Variants in MAGI3 observed in about 807,000 individuals in gnomAD.
MAGI3 encodes the protein membrane-associated guanylate kinase, WW and PDZ domain-containing protein 3.
MAGI3 carries 43 observed loss-of-function variants against 121.8 expected under a neutral mutation model. That is an observed-to-expected ratio of 0.35 (90% CI 0.28 to 0.46). MAGI3 has a LOEUF of 0.46. Ranked by LOEUF, MAGI3 falls within the 20% of genes least tolerant of loss-of-function variation. The pLI, the probability that MAGI3 is intolerant of heterozygous loss-of-function variation, is 1.00. For missense variants in MAGI3, 1,547 were observed against 1,797.3 expected, an observed-to-expected ratio of 0.86 and a Z score of 2.52; for synonymous variants, 553 against 639.3, an observed-to-expected ratio of 0.86 and a Z score of 2.04.
chr1:113,530,312 C>T (rs1658644475), intron 1 of MAGI3, among the ~76,000 whole-genome samples: 1 of 147,516 alleles, frequency 6.8e-6, no homozygotes, highest in Non-Finnish European at 1.5e-5. Context: ...CTAAAACTTC[C>T]TACCAGAAAG....
In MAGI3 at chr1:113,390,899, G is replaced by A. The variant is rs1570901421; in HGVS notation, c.-135G>A. 4 of 519,250 alleles carry A rather than the reference G, an allele frequency of 7.7e-6. No homozygotes were observed. Among genetic ancestry groups the A allele is most frequent in the Non-Finnish European group, 1.1e-5 (4 of 358,380 alleles). 32.2% of individuals were successfully genotyped at this position (519,250 alleles called of 1,614,324 possible). ...CGGGCCCCCAGCGGGCTGTGGTCGC[G>A]GGGTGGGGGCCGGAGCGGCGAGGCC... On this transcript the variant is annotated 5_prime_UTR_variant, in exon 1 of 21. Coordinates refer to ENST00000307546, the MANE Select transcript of MAGI3 (RefSeq NM_001142782.2).
Position 113,642,367 on chromosome 1 carries a change from A to T in MAGI3, c.1817A>T (p.Asp606Val). ...PTGQKVKMIL[D>V]SQWCQGLQKG... is the part of the protein sequence containing the mutation. ...GGACAGAAGGTGAAAATGATACTGGATAGTCAGTGGTGTCAAGGCCTTCAG... is the reference window on the plus strand; with the variant it reads ...GGACAGAAGGTGAAAATGATACTGGTTAGTCAGTGGTGTCAAGGCCTTCAG... The change falls in exon 10 of 21, where the codon GAT becomes GTT. Residue 606 changes from aspartate to valine, a missense_variant. Coordinates refer to ENST00000307546, the MANE Select transcript of MAGI3 (RefSeq NM_001142782.2). 1 of 1,614,168 alleles carries T rather than the reference A, an allele frequency of 6.2e-7. No individual in the cohort carries two copies. Among genetic ancestry groups the T allele is most frequent in the African/African-American group, 1.3e-5 (1 of 75,026 alleles).
chr1:113,537,468 C>T (rs181043034), intron 1 of MAGI3, among the ~76,000 whole-genome samples: 117 of 152,286 alleles, frequency 7.7e-4, no homozygotes, highest in African/African-American at 2.6e-3. Context: ...CAGTTAAGAA[C>T]CTTGTACAGA....
intron 1 of MAGI3, among the ~76,000 whole-genome samples, chr1:113,521,796 T>C (rs1658214475): frequency 6.6e-6 from 1 of 152,246 alleles, no homozygotes; most frequent in Non-Finnish European, 1.5e-5. Context: ...TCAATTATCA[T>C]AATTTCCTGT....
intron 2 of MAGI3, among the ~76,000 whole-genome samples, chr1:113,578,030 G>T (rs1325481120): frequency 6.6e-6 from 1 of 152,152 alleles, no homozygotes; most frequent in African/African-American, 2.4e-5. Flanking sequence ...GATTTCATGA[G>T]TTGGGCTCAG....
intron 2 of MAGI3, among the ~76,000 whole-genome samples, chr1:113,575,244 G>A (rs954999398): frequency 3.3e-5 from 5 of 152,166 alleles, no homozygotes; most frequent in Non-Finnish European, 7.4e-5. Flanking sequence ...GAGAGGAGTT[G>A]TGATTATTTG....
At chr1:113,666,842 A>G (rs1654067321) in intron 16 of MAGI3, among the ~76,000 whole-genome samples, 1 of 152,226 alleles carries the variant, frequency 6.6e-6, no homozygotes, top group African/African-American at 2.4e-5. Context: ...TCCATGGGCT[A>G]CAGAATGGAT....
At chr1:113,479,413 T>C (rs77450826) in intron 1 of MAGI3, among the ~76,000 whole-genome samples, 1 of 152,202 alleles carries the variant, frequency 6.6e-6, no homozygotes, top group African/African-American at 2.4e-5. Context: ...TCCTGTACTT[T>C]AAATATGTCA....
intron 6 of MAGI3, among the ~76,000 whole-genome samples, chr1:113,608,041 A>G (rs1427750347): frequency 2.0e-5 from 3 of 152,004 alleles, no homozygotes; most frequent in Non-Finnish European, 4.4e-5. Flanking sequence ...CCCTTCTGTC[A>G]TTTTCTTGCA....
intron 1 of MAGI3, among the ~76,000 whole-genome samples, chr1:113,513,305 G>T (rs1323496969): frequency 6.6e-6 from 1 of 152,076 alleles, no homozygotes; most frequent in Admixed American, 6.5e-5. Flanking sequence ...TCAAAAAAAA[G>T]ACCACGTCGC....
At chr1:113,579,029 A>C (rs1381164915) in intron 2 of MAGI3, among the ~76,000 whole-genome samples, 1 of 152,210 alleles carries the variant, frequency 6.6e-6, no homozygotes, top group African/African-American at 2.4e-5. Flanking sequence ...AGCAATTAAG[A>C]GTTTCCCATG....
intron 2 of MAGI3, among the ~76,000 whole-genome samples, chr1:113,553,946 TTGCAG>T (rs773439501): frequency 5.3e-5 from 8 of 152,104 alleles, no homozygotes; most frequent in Non-Finnish European, 1.0e-4. Context: ...GAAGTGGAGG[TTGCAG>T]TGAGCCGAGA....
At chr1:113,416,394 ATTAT>A (rs1166875574) in intron 1 of MAGI3, among the ~76,000 whole-genome samples, 1,123 of 99,638 alleles carry the variant, frequency 0.011, 24 homozygotes, top group African/African-American at 0.038. Flanking sequence ...ATATATATTA[ATTAT>A]TAATTAATTA....
At chr1:113,429,137 G>C (rs1175183317) in intron 1 of MAGI3, among the ~76,000 whole-genome samples, 1 of 152,164 alleles carries the variant, frequency 6.6e-6, no homozygotes, top group African/African-American at 2.4e-5. Flanking sequence ...TATTGCCTCA[G>C]CTATTGCTAA....
chr1:113,682,793 T>C, intron 20 of MAGI3, 104 bp from the exon 21 acceptor site: 1 of 1,446,936 alleles, frequency 6.9e-7, no homozygotes, highest in Non-Finnish European at 9.1e-7. Context: ...ACTCAGGCTT[T>C]TTAAGCAGTT....
intron 6 of MAGI3, among the ~76,000 whole-genome samples, chr1:113,599,379 A>G (rs1649224210): frequency 6.6e-6 from 1 of 152,056 alleles, no homozygotes; most frequent in African/African-American, 2.4e-5. Flanking sequence ...AAAAAATGAT[A>G]AAAGGGGATA....
At chr1:113,571,091 A>G (rs1385046198) in intron 2 of MAGI3, among the ~76,000 whole-genome samples, 1 of 152,176 alleles carries the variant, frequency 6.6e-6, no homozygotes, top group Non-Finnish European at 1.5e-5. Flanking sequence ...GAAGGAGTCC[A>G]GTTTCAGTTT....
At chr1:113,519,049 C>T (rs1320870627) in intron 1 of MAGI3, among the ~76,000 whole-genome samples, 1 of 152,210 alleles carries the variant, frequency 6.6e-6, no homozygotes, top group African/African-American at 2.4e-5. Flanking sequence ...GGTACTGATG[C>T]TTTCTGACAT....
intron 16 of MAGI3, among the ~76,000 whole-genome samples, chr1:113,660,766 ATTT>A (rs33956607): frequency 8.9e-5 from 11 of 122,966 alleles, no homozygotes; most frequent in Non-Finnish European, 1.5e-4. Flanking sequence ...ATAATTTTTA[ATTT>A]TTTTTTTTTT....
Sources: allele counts gnomAD v4.1 joint callset (sites outside exome capture counted in the v4.1 genomes callset), GRCh38; gene constraint gnomAD v4.1.1; transcripts MANE v1.5; gene names NCBI Gene and HGNC (gene_info 2026-07-23, HGNC 2026-07-21).